The following SCAF8 variants were observed in gnomAD, a reference collection of about 807,000 sequenced individuals.
SCAF8 encodes SR-related CTD associated factor 8, also known as SR-related and CTD-associated factor 8.
In SCAF8, 23 loss-of-function variants were observed where a neutral mutation model predicts 140.5. The observed-to-expected ratio is 0.16, with a 90% confidence interval of 0.12 to 0.23. The LOEUF (loss-of-function observed/expected upper bound fraction) is 0.23, where lower values mean the gene tolerates loss of function less well. Among genes scored for constraint, SCAF8 ranks in the 10% least tolerant of loss-of-function variants. The pLI, the probability that SCAF8 is intolerant of heterozygous loss-of-function variation, is 1.00. For synonymous variants in SCAF8, 575 were observed against 528.9 expected (o/e 1.09, Z -1.20); for missense variants, 1,397 against 1,555.7 (o/e 0.90, Z 1.72).
chr6:154,824,318 A>G lies in SCAF8; in HGVS notation c.2011A>G (p.Ser671Gly). 2 of 1,613,952 alleles carry G rather than the reference A, an allele frequency of 1.2e-6. No individual in the cohort carries two copies. The highest frequency in any genetic ancestry group is 1.3e-5 in the African/African-American group (1 of 75,052). The change falls in exon 17 of 20, where the codon AGT becomes GGT. Residue 671 changes from serine to glycine, a missense_variant. Coordinates refer to ENST00000367178, the MANE Select transcript of SCAF8 (RefSeq NM_014892.5). ...GATGCCGGTTCCTCCTCCTGGATTC[A>G]GTCCAATCCCTCCACCTCCTTTTTT... ...VSMPVPPPGF[S>G]PIPPPPFLRA...
chr6:154,820,196 A>G lies in SCAF8; in HGVS notation c.1655A>G (p.Lys552Arg), dbSNP rs935420196. ...KVIKIAWALNKGVKTEYKQFW... is the reference protein window; with the variant it reads ...KVIKIAWALNRGVKTEYKQFW... ...CAATAGATCGCTTGGGCTTTAAACA[A>G]AGGTGTAAAAACAGAATACAAACAA... Residue 552 changes from lysine (K) to arginine (R), a missense_variant, in exon 15 of 20, where the codon AAA becomes AGA. Coordinates refer to ENST00000367178, the MANE Select transcript of SCAF8 (RefSeq NM_014892.5). The G allele has an allele frequency of 1.9e-6, 3 of 1,599,200 alleles. No homozygotes were observed. The highest frequency in any genetic ancestry group is 2.6e-6 in the Non-Finnish European group (3 of 1,175,960).
intron 1 of SCAF8, among the ~76,000 whole-genome samples, chr6:154,756,445 T>G (rs1778968493): frequency 6.6e-6 from 1 of 152,026 alleles, no homozygotes; most frequent in Admixed American, 6.5e-5. Flanking sequence ...TAAATGTTAT[T>G]TTTTGTTTTC....
At chr6:154,752,554 G>C (rs1562426865) in intron 1 of SCAF8, among the ~76,000 whole-genome samples, 1 of 151,912 alleles carries the variant, frequency 6.6e-6, no homozygotes, top group African/African-American at 2.4e-5. Context: ...GGATATCTCT[G>C]TTGCCCTGGA....
intron 1 of SCAF8, among the ~76,000 whole-genome samples, chr6:154,769,604 G>C (rs1665630576): frequency 6.6e-6 from 1 of 152,176 alleles, no homozygotes; most frequent in Non-Finnish European, 1.5e-5. Context: ...AGCTGTTCTA[G>C]TGTGCTCTAA....
At chr6:154,769,655 C>T (rs1306652024) in intron 1 of SCAF8, among the ~76,000 whole-genome samples, 2 of 152,140 alleles carry the variant, frequency 1.3e-5, no homozygotes, top group African/African-American at 2.4e-5. Context: ...AGTATTATTT[C>T]TGTTTTGTAA....
intron 1 of SCAF8, 104 bp downstream of exon 1, chr6:154,734,034 G>A: frequency 2.1e-6 from 3 of 1,412,432 alleles, no homozygotes; most frequent in Admixed American, 3.2e-5. Context: ...TTTTTTAAGG[G>A]TGGGGTGAGC....
chr6:154,796,206 G>A (rs981244721), intron 6 of SCAF8, among the ~76,000 whole-genome samples: 94 of 152,194 alleles, frequency 6.2e-4, no homozygotes, highest in African/African-American at 2.2e-3. Flanking sequence ...TTTGTTTCGA[G>A]ATATGTATTT....
At chr6:154,747,751 C>G (rs1191669424) in intron 1 of SCAF8, among the ~76,000 whole-genome samples, 1 of 152,114 alleles carries the variant, frequency 6.6e-6, no homozygotes, top group African/African-American at 2.4e-5. Context: ...TGAAAAGCTG[C>G]CTGGTGGAAA....
chr6:154,828,807 AAATG>A (rs1223226388), intron 18 of SCAF8, among the ~76,000 whole-genome samples: 5 of 152,210 alleles, frequency 3.3e-5, no homozygotes, highest in African/African-American at 1.2e-4. Flanking sequence ...GAACAGAAAA[AAATG>A]AATATGAAGT....
chr6:154,831,179 T>C, intron 19 of SCAF8, 39 bp downstream of exon 19: 1 of 1,263,998 alleles, frequency 7.9e-7, no homozygotes, highest in Non-Finnish European at 1.1e-6. Flanking sequence ...AGAGGTTGCC[T>C]CTCTGTATTT....
At chr6:154,766,700 T>C (rs1009324219) in intron 1 of SCAF8, among the ~76,000 whole-genome samples, 1 of 134,226 alleles carries the variant, frequency 7.5e-6, no homozygotes, top group African/African-American at 2.7e-5. Context: ...ATCCACAATT[T>C]TATGATTACC....
chr6:154,798,522 C>G (rs1169598531), intron 6 of SCAF8, among the ~76,000 whole-genome samples: 1 of 151,346 alleles, frequency 6.6e-6, no homozygotes, highest in East Asian at 1.9e-4. Context: ...TCCCTTTGTT[C>G]TTCATATCCA....
At chr6:154,808,269 T>C in intron 10 of SCAF8, 68 bp downstream of exon 10, 1 of 1,400,344 alleles carries the variant, frequency 7.1e-7, no homozygotes, top group East Asian at 2.3e-5. Flanking sequence ...AAATATTTTA[T>C]ACTAGCAGTG....
chr6:154,794,969 T>C lies in SCAF8; in HGVS notation c.476-40T>C, dbSNP rs191082900. The C allele has an allele frequency of 4.3e-5, 66 of 1,547,824 alleles. No homozygotes were observed. In the African/African-American group the frequency reaches 8.7e-4, roughly 20 times the overall value. On this transcript the variant is annotated intron_variant, in intron 5 of 19. Transcript: ENST00000367178. ...GCTTTTTCTAGTCTTAGTTACTTAC[T>C]TACATATTTATTTGGGGGGTGTGAT...
At chr6:154,787,795 A>G (rs1583034723) in intron 3 of SCAF8, 66 bp from the exon 4 acceptor site, 2 of 1,362,074 alleles carry the variant, frequency 1.5e-6, no homozygotes, top group Non-Finnish European at 2.0e-6. Context: ...ATTTTTGATG[A>G]TTTTTGTCTA....
rs1177090964 is a variant in SCAF8, at chr6:154,733,474, G to A, written c.-427G>A. On this transcript the variant is annotated 5_prime_UTR_variant, in exon 1 of 20. Transcript: ENST00000367178. ...TCCTCCTCTGTCTTCGCCGAGCGGGGCTGGTTCCTGCGGCCCGAGCGGCGG... is the reference window on the plus strand; with the variant it reads ...TCCTCCTCTGTCTTCGCCGAGCGGGACTGGTTCCTGCGGCCCGAGCGGCGG... 8.9e-6 allele frequency: 12 copies of A among 1,353,084 alleles called. No homozygotes were observed. In the East Asian group the frequency reaches 2.5e-4, roughly 28 times the overall value. 83.8% of individuals were successfully genotyped at this position (1,353,084 alleles called of 1,614,324 possible). A position where few individuals can be genotyped will look rare whatever the true frequency, so the allele number is the denominator to read the frequency against.
At chr6:154,816,512 G>GCTGT (rs3054203) in intron 13 of SCAF8, among the ~76,000 whole-genome samples, 88,918 of 151,454 alleles carry the variant, frequency 0.59, 28,176 homozygotes, top group East Asian at 0.91. Flanking sequence ...AAAATTACGT[G>GCTGT]CTGTCTTTCT....
chr6:154,733,960 C>G (rs368516021), intron 1 of SCAF8, 30 bp downstream of exon 1: 1 of 1,514,394 alleles, frequency 6.6e-7, no homozygotes, highest in Non-Finnish European at 8.8e-7. Flanking sequence ...TCCCCTGCTC[C>G]TGCCCGCACC....
Position 154,832,967 on chromosome 6 carries a change from T to G in SCAF8, c.3388T>G (p.Phe1130Val), listed in dbSNP as rs1160007793. 1.9e-6 allele frequency: 3 copies of G among 1,614,026 alleles called. No individual in the cohort carries two copies. The East Asian group carries it at 6.7e-5, about 36-fold the overall frequency. The change falls in exon 20 of 20, where the codon TTT becomes GTT. Residue 1130 changes from phenylalanine to valine, a missense_variant. This residue lies in a region of SCAF8 where 930 missense variants were observed against 874.6 expected (regional missense o/e 1.06). Transcript: ENST00000367178. ...TAGATTTCGGTCTGGAAACTATCGA[T>G]TTGATCCTAGAAGTGGTCCTTGGAA... Reference protein sequence around the residue: ...RGRFRSGNYRFDPRSGPWNRG... With the variant: ...RGRFRSGNYRVDPRSGPWNRG...
Sources: gnomAD v4.1 joint callset for allele counts (sites outside exome capture counted in the v4.1 genomes callset) on GRCh38, gnomAD v4.1.1 for gene constraint, gnomAD v4.1.1 regional missense constraint, MANE v1.5 for transcripts, NCBI Gene and HGNC (gene_info 2026-07-23, HGNC 2026-07-21) for gene names.